Variants in NAA11 observed in about 807,000 individuals in gnomAD.
NAA11 encodes N-alpha-acetyltransferase 11.
NAA11 carries 15 observed loss-of-function variants against 16.1 expected under a neutral mutation model. The ratio of observed to expected loss-of-function variants is 0.93; its 90% confidence interval spans 0.62 to 1.44. The LOEUF (loss-of-function observed/expected upper bound fraction) is 1.44. Ranked by LOEUF, NAA11 falls within the 40% of genes most tolerant of loss-of-function variation. The pLI is 0.00. For synonymous variants in NAA11, 122 were observed against 112.4 expected (o/e 1.09, Z -0.54); for missense variants, 298 against 291.3 (o/e 1.02, Z -0.17).
chr4:79,175,780 G>A, the NAA11 span, among the ~76,000 whole-genome samples: 1 of 147,736 alleles, frequency 6.8e-6, no homozygotes. Context: ...CAGCTCCAGT[G>A]TTATTCTTCT....
At chr4:79,155,435 T>C in the NAA11 span, among the ~76,000 whole-genome samples, 2 of 152,236 alleles carry the variant, frequency 1.3e-5, no homozygotes, top group Admixed American at 6.5e-5. Context: ...CTAGTGATTT[T>C]ATGTGTGAAG....
intron 2 of NAA11, among the ~76,000 whole-genome samples, chr4:79,229,778 G>A (rs1721413556): frequency 6.6e-6 from 1 of 151,986 alleles, no homozygotes; most frequent in South Asian, 2.1e-4. Flanking sequence ...CAAGATAGAA[G>A]TGGGGCATAG....
downstream of NAA11, among the ~76,000 whole-genome samples, chr4:79,221,587 G>T (rs1448700217): frequency 4.8e-5 from 6 of 123,984 alleles, no homozygotes; most frequent in Non-Finnish European, 8.8e-5. Context: ...AGCATGAAGG[G>T]TTGTTGAATT....
the NAA11 span, among the ~76,000 whole-genome samples, chr4:79,181,072 G>A: frequency 1.7e-4 from 26 of 152,132 alleles, no homozygotes; most frequent in Non-Finnish European, 2.2e-4. Flanking sequence ...ACACACCGGG[G>A]CGTGTTGTAG....
chr4:79,199,766 G>A, the NAA11 span, among the ~76,000 whole-genome samples: 8 of 151,910 alleles, frequency 5.3e-5, no homozygotes, highest in African/African-American at 9.6e-5. Context: ...AACCATTTAC[G>A]CCTTTTCTCC....
At chr4:79,243,227 A>G (rs1021926422) in intron 2 of NAA11, among the ~76,000 whole-genome samples, 1 of 152,180 alleles carries the variant, frequency 6.6e-6, no homozygotes, top group Non-Finnish European at 1.5e-5. Flanking sequence ...CTTTCATAAC[A>G]TGTTCTCAAT....
chr4:79,316,444 C>T (rs1008351149), downstream of NAA11, among the ~76,000 whole-genome samples: 5 of 152,168 alleles, frequency 3.3e-5, no homozygotes, highest in Non-Finnish European at 5.9e-5. Flanking sequence ...TCTTAGAGTG[C>T]ACTAGGGTAG....
chr4:79,208,100 C>T, the NAA11 span, among the ~76,000 whole-genome samples: 1 of 152,008 alleles, frequency 6.6e-6, no homozygotes, highest in South Asian at 2.1e-4. Context: ...AGTACATTTT[C>T]GCAAAATTTG....
chr4:79,161,372 A>G, the NAA11 span, among the ~76,000 whole-genome samples: 1 of 152,142 alleles, frequency 6.6e-6, no homozygotes, highest in Non-Finnish European at 1.5e-5. Context: ...TTCTATTCCA[A>G]TTATCTGTAT....
intron 2 of NAA11, among the ~76,000 whole-genome samples, chr4:79,233,422 TA>T (rs937189946): frequency 6.6e-6 from 1 of 152,000 alleles, no homozygotes; most frequent in Admixed American, 6.6e-5. Flanking sequence ...CTCATTTTTT[TA>T]AAAAAGGAAT....
chr4:79,321,204 T>G (rs1440428282), intron 1 of NAA11, among the ~76,000 whole-genome samples: 2 of 152,202 alleles, frequency 1.3e-5, no homozygotes, highest in African/African-American at 4.8e-5. Flanking sequence ...AGCAGCTGTA[T>G]GATCCCATTG....
intron 2 of NAA11, among the ~76,000 whole-genome samples, chr4:79,280,320 G>A (rs947133984): frequency 5.9e-5 from 9 of 151,986 alleles, no homozygotes; most frequent in Admixed American, 1.3e-4. Flanking sequence ...GTGCCCTCCC[G>A]TAACTAAAGA....
the NAA11 span, among the ~76,000 whole-genome samples, chr4:79,209,719 T>C: frequency 6.6e-6 from 1 of 152,148 alleles, no homozygotes; most frequent in East Asian, 1.9e-4. Flanking sequence ...ATCAGATTCA[T>C]TGTAACTGAA....
the NAA11 span, among the ~76,000 whole-genome samples, chr4:79,215,326 C>T: frequency 1.3e-5 from 2 of 152,144 alleles, no homozygotes; most frequent in Non-Finnish European, 2.9e-5. Context: ...AACCAGTTCC[C>T]TCCCTTTCCT....
the NAA11 span, among the ~76,000 whole-genome samples, chr4:79,201,894 CTTTTT>C: frequency 1.3e-5 from 2 of 151,542 alleles, no homozygotes; most frequent in South Asian, 2.1e-4. Context: ...CCTGTCTTTT[CTTTTT>C]TTAAGTTTTA....
At chr4:79,204,140 G>T in the NAA11 span, among the ~76,000 whole-genome samples, 1 of 151,800 alleles carries the variant, frequency 6.6e-6, no homozygotes. Flanking sequence ...ATATGACTTG[G>T]TAATTCTTCT....
chr4:79,170,454 A>T, the NAA11 span, among the ~76,000 whole-genome samples: 1 of 152,316 alleles, frequency 6.6e-6, no homozygotes, highest in South Asian at 2.1e-4. Context: ...CTGAAGAGCC[A>T]TATTTTTGCT....
chr4:79,215,988 C>T, the NAA11 span, among the ~76,000 whole-genome samples: 1 of 152,110 alleles, frequency 6.6e-6, no homozygotes, highest in Non-Finnish European at 1.5e-5. Flanking sequence ...GATTCATAAT[C>T]ATCAAAAGAA....
At chr4:79,217,475 G>T in the NAA11 span, among the ~76,000 whole-genome samples, 1 of 152,148 alleles carries the variant, frequency 6.6e-6, no homozygotes. Flanking sequence ...ATAGAAAAAG[G>T]ATTGTATGAA....
Sources: gnomAD v4.1 joint callset for allele counts (sites outside exome capture counted in the v4.1 genomes callset) on GRCh38, gnomAD v4.1.1 for gene constraint, MANE v1.5 for transcripts, NCBI Gene and HGNC (gene_info 2026-07-23, HGNC 2026-07-21) for gene names.